GRM7: variants seen among roughly 807,000 people sequenced by gnomAD.
GRM7 encodes glutamate metabotropic receptor 7, also known as metabotropic glutamate receptor 7.
GRM7 carries 35 observed loss-of-function variants against 84.5 expected under a neutral mutation model. That is an observed-to-expected ratio of 0.41 (90% CI 0.32 to 0.55). The LOEUF (loss-of-function observed/expected upper bound fraction) is 0.55. GRM7 is among the 20% of genes least tolerant of loss of function. The probability of loss-of-function intolerance (pLI) is 0.19; values close to 1 mark genes in which losing one functional copy is unlikely to be tolerated. For synonymous variants in GRM7, 487 were observed against 455.1 expected (o/e 1.07, Z -0.89); for missense variants, 1,003 against 1,194.6 (o/e 0.84, Z 2.36).
chr3:7,648,271 GAA>G (rs56866641), intron 8 of GRM7, among the ~76,000 whole-genome samples: 9 of 142,338 alleles, frequency 6.3e-5, no homozygotes, highest in Admixed American at 1.4e-4. Flanking sequence ...GTTTTTAAAA[GAA>G]AAAAAAAAAT....
intron 1 of GRM7, among the ~76,000 whole-genome samples, chr3:6,965,231 C>T (rs114448159): frequency 6.6e-6 from 1 of 152,184 alleles, no homozygotes; most frequent in Non-Finnish European, 1.5e-5. Context: ...AAAAGTTGTT[C>T]AAGAACAATC....
At chr3:7,502,985 C>T (rs1699928852) in intron 7 of GRM7, among the ~76,000 whole-genome samples, 1 of 152,146 alleles carries the variant, frequency 6.6e-6, no homozygotes, top group African/African-American at 2.4e-5. Context: ...TTCTGCCCCA[C>T]TTCTTTGCGT....
chr3:7,323,867 A>G (rs961540347), intron 4 of GRM7, among the ~76,000 whole-genome samples: 2 of 152,196 alleles, frequency 1.3e-5, no homozygotes, highest in Non-Finnish European at 2.9e-5. Context: ...CTTTAGAGCT[A>G]TAATTTGATC....
At chr3:7,106,478 A>C (rs2125028498) in intron 1 of GRM7, among the ~76,000 whole-genome samples, 1 of 152,088 alleles carries the variant, frequency 6.6e-6, no homozygotes, top group Non-Finnish European at 1.5e-5. Context: ...GGAAAAAAAA[A>C]TCAAATGTGA....
chr3:7,116,641 G>T (rs142085577), intron 1 of GRM7, among the ~76,000 whole-genome samples: 4 of 152,204 alleles, frequency 2.6e-5, no homozygotes, highest in South Asian at 4.1e-4. Flanking sequence ...TAAATTACTG[G>T]AGTGGTACCA....
chr3:7,143,776 C>T (rs1367212356), intron 1 of GRM7, among the ~76,000 whole-genome samples: 2 of 152,158 alleles, frequency 1.3e-5, no homozygotes, highest in African/African-American at 2.4e-5. Flanking sequence ...GGAAAGGCAT[C>T]TGCGCAACAG....
intron 4 of GRM7, among the ~76,000 whole-genome samples, chr3:7,390,732 T>C (rs1237904504): frequency 1.3e-5 from 2 of 152,118 alleles, no homozygotes; most frequent in Admixed American, 6.5e-5. Flanking sequence ...TATAGCTATG[T>C]CATCTTTCAA....
rs1056512453 is a variant in GRM7, at chr3:7,025,885, A to T, written c.520-120567A>T. Reference sequence around the variant, plus strand: ...CTACCATTTAGTTACAAGTAGCAGGAGTGTCTGGCATCAGAAGTAATGCAG... The same window carrying T: ...CTACCATTTAGTTACAAGTAGCAGGTGTGTCTGGCATCAGAAGTAATGCAG... On this transcript the variant is annotated intron_variant, in intron 1 of 9. Transcript: ENST00000357716. Among the ~76,000 whole-genome samples, 6 of 152,288 alleles carry T rather than the reference A, an allele frequency of 3.9e-5. No individual in the cohort carries two copies. The East Asian group carries it at 1.2e-3, about 29-fold the overall frequency.
chr3:7,607,531 T>C (rs1028940344), intron 8 of GRM7: 2 of 150,158 alleles, frequency 1.3e-5, no homozygotes, highest in East Asian at 2.0e-4. Context: ...CATGGAAATA[T>C]ATATAGTTTC....
intron 1 of GRM7, among the ~76,000 whole-genome samples, chr3:7,082,692 C>G (rs1343934074): frequency 6.6e-6 from 1 of 151,996 alleles, no homozygotes; most frequent in Non-Finnish European, 1.5e-5. Context: ...ATTCTAGATG[C>G]CATTAAGAAC....
chr3:7,629,581 T>C (rs534464939), intron 8 of GRM7, among the ~76,000 whole-genome samples: 1 of 152,282 alleles, frequency 6.6e-6, no homozygotes, highest in East Asian at 1.9e-4. Flanking sequence ...TGTTCAAATA[T>C]ACGTGCATTG....
chr3:7,090,590 A>C (rs939686301), intron 1 of GRM7, among the ~76,000 whole-genome samples: 1 of 152,334 alleles, frequency 6.6e-6, no homozygotes, highest in South Asian at 2.1e-4. Flanking sequence ...TTATTCTTAA[A>C]ATGTCAATAG....
chr3:7,082,107 A>G (rs992466198), intron 1 of GRM7, among the ~76,000 whole-genome samples: 3 of 152,142 alleles, frequency 2.0e-5, no homozygotes, highest in Non-Finnish European at 2.9e-5. Flanking sequence ...ACATATTTTC[A>G]ATGCAGATAA....
At chr3:7,423,239 C>A (rs1575314833) in intron 5 of GRM7, among the ~76,000 whole-genome samples, 1 of 152,176 alleles carries the variant, frequency 6.6e-6, no homozygotes, top group East Asian at 1.9e-4. Context: ...CAGTGAAACA[C>A]CAACTTGAAA....
chr3:7,309,008 C>G (rs1322694283), intron 4 of GRM7, among the ~76,000 whole-genome samples: 1 of 152,098 alleles, frequency 6.6e-6, no homozygotes, highest in Non-Finnish European at 1.5e-5. Flanking sequence ...AATTGGAGAG[C>G]ACTGTTTTAA....
chr3:7,653,277 T>C (rs1400276164), intron 8 of GRM7, among the ~76,000 whole-genome samples: 1 of 143,186 alleles, frequency 7.0e-6, no homozygotes, highest in African/African-American at 2.6e-5. Context: ...ATAAATGGCA[T>C]CATTTATGAC....
rs73017832 is a variant in GRM7 at position 7,503,089 on chromosome 3, G to T, written c.1515+41367G>T. Among the ~76,000 whole-genome samples, 43 of 152,194 alleles carry T rather than the reference G, an allele frequency of 2.8e-4. No individual in the cohort carries two copies. In the South Asian group the frequency reaches 4.2e-3, roughly 15 times the overall value. ...TACTGTGTCTACTTACAATCACAAG[G>T]AGCGCCTAGAAAGCTGGGCAGAGGA... On this transcript the variant is annotated intron_variant, in intron 7 of 9. Coordinates refer to ENST00000357716, the MANE Select transcript of GRM7 (RefSeq NM_000844.4).
chr3:7,444,106 G>A (rs529587560), intron 5 of GRM7, among the ~76,000 whole-genome samples: 42 of 152,200 alleles, frequency 2.8e-4, no homozygotes, highest in Non-Finnish European at 4.7e-4. Context: ...GCACAGATTC[G>A]TTTTTCATCT....
chr3:7,432,648 A>AT (rs1696879055), intron 5 of GRM7, among the ~76,000 whole-genome samples: 1 of 149,786 alleles, frequency 6.7e-6, no homozygotes, highest in African/African-American at 2.4e-5. Context: ...AAAAAAAAAA[A>AT]TAGAAATAAT....
Sources: allele counts gnomAD v4.1 joint callset (sites outside exome capture counted in the v4.1 genomes callset), GRCh38; gene constraint gnomAD v4.1.1; transcripts MANE v1.5; gene names NCBI Gene and HGNC (gene_info 2026-07-23, HGNC 2026-07-21).